The following CSMD1 variants were observed in gnomAD, a reference collection of about 807,000 sequenced individuals.
CSMD1 encodes the protein CUB and sushi domain-containing protein 1.
Under a neutral mutation model 417.5 loss-of-function variants are expected in CSMD1, and 213 were observed. The ratio of observed to expected loss-of-function variants is 0.51; its 90% CI spans 0.46 to 0.57. The LOEUF (loss-of-function observed/expected upper bound fraction) is 0.57. Ranked by LOEUF, CSMD1 falls within the 20% of genes least tolerant of loss-of-function variation. CSMD1 has a pLI of 0.00. For synonymous variants in CSMD1, 2,862 were observed against 1,736.8 expected (o/e 1.65, Z -16.11); for missense variants, 6,923 against 4,529.7 (o/e 1.53, Z -15.17).
rs1320171382 is a variant in CSMD1 at position 4,433,758 on chromosome 8, A to G, written c.303-13693T>C. On this transcript the variant is annotated intron_variant, in intron 2 of 69. Transcript: ENST00000635120. Reference sequence around the variant, plus strand: ...AACATTTATTTCCTACACCTTTATGAATTTATAGATGGAGTTTAAAATTTG... The same window carrying G: ...AACATTTATTTCCTACACCTTTATGGATTTATAGATGGAGTTTAAAATTTG... Among the ~76,000 whole-genome samples the G allele has an allele frequency of 2.0e-5, 3 of 152,134 alleles. No homozygotes were observed. In the South Asian group the frequency reaches 6.2e-4, roughly 32 times the overall value.
intron 2 of CSMD1, among the ~76,000 whole-genome samples, chr8:4,481,075 A>G (rs1801073245): frequency 6.6e-6 from 1 of 152,194 alleles, no homozygotes; most frequent in Non-Finnish European, 1.5e-5. Context: ...TCTAAATATC[A>G]CCTAAGTAGG....
chr8:4,774,186 C>T (rs994339778), intron 1 of CSMD1, among the ~76,000 whole-genome samples: 4 of 152,056 alleles, frequency 2.6e-5, no homozygotes, highest in African/African-American at 7.2e-5. Context: ...GGTGACAGAG[C>T]GAGGCTGTCT....
intron 11 of CSMD1, among the ~76,000 whole-genome samples, chr8:3,477,379 T>G (rs1034387550): frequency 4.6e-5 from 7 of 152,370 alleles, no homozygotes; most frequent in African/African-American, 1.7e-4. Context: ...TATGTTCCTT[T>G]AATGTCCACG....
At chr8:4,785,803 C>A (rs1211239909) in intron 1 of CSMD1, among the ~76,000 whole-genome samples, 1 of 152,058 alleles carries the variant, frequency 6.6e-6, no homozygotes, top group Non-Finnish European at 1.5e-5. Flanking sequence ...AAGTGTTGCC[C>A]AGACTCGTTA....
intron 31 of CSMD1, among the ~76,000 whole-genome samples, chr8:3,202,879 T>C (rs1315927704): frequency 6.6e-6 from 1 of 152,182 alleles, no homozygotes; most frequent in Non-Finnish European, 1.5e-5. Flanking sequence ...AAAGAAGGCA[T>C]GTAGGCTAGG....
At chr8:3,768,053 C>T (rs376595256) in intron 5 of CSMD1, among the ~76,000 whole-genome samples, 7 of 152,118 alleles carry the variant, frequency 4.6e-5, no homozygotes, top group South Asian at 2.1e-4. Context: ...TCTTTGACCC[C>T]GAGTATAGAC....
intron 3 of CSMD1, among the ~76,000 whole-genome samples, chr8:4,155,941 T>C (rs1796811383): frequency 6.6e-6 from 1 of 152,198 alleles, no homozygotes. Context: ...CCAGGTGTTC[T>C]GCAGCTGCAC....
chr8:4,146,319 C>T (rs1714814), intron 3 of CSMD1, among the ~76,000 whole-genome samples: 149,458 of 150,820 alleles, frequency 0.99, 74,160 homozygotes, highest in Middle Eastern at 1. Flanking sequence ...TGGTGTCTGA[C>T]ACATCCAAAG....
At chr8:4,901,466 T>A (rs1009897302) in intron 1 of CSMD1, among the ~76,000 whole-genome samples, 3 of 152,122 alleles carry the variant, frequency 2.0e-5, no homozygotes, top group Non-Finnish European at 2.9e-5. Context: ...GAGAATTATT[T>A]CAAAACAAAG....
intron 1 of CSMD1, among the ~76,000 whole-genome samples, chr8:4,917,323 C>T (rs182619121): frequency 6.6e-6 from 1 of 152,200 alleles, no homozygotes; most frequent in African/African-American, 2.4e-5. Flanking sequence ...ACCTTCAACA[C>T]TGGGCATTAC....
At chr8:3,155,835 A>G (rs941596793) in intron 39 of CSMD1, among the ~76,000 whole-genome samples, 10 of 152,188 alleles carry the variant, frequency 6.6e-5, no homozygotes, top group African/African-American at 2.4e-4. Context: ...ACATAAACAG[A>G]CGTTCTCTCC....
At chr8:4,094,519 C>G (rs977976389) in intron 3 of CSMD1, among the ~76,000 whole-genome samples, 1 of 152,154 alleles carries the variant, frequency 6.6e-6, no homozygotes, top group African/African-American at 2.4e-5. Flanking sequence ...AGGAATCTAA[C>G]TTTCAGATTA....
intron 36 of CSMD1, among the ~76,000 whole-genome samples, chr8:3,186,600 C>G (rs1368616216): frequency 2.6e-5 from 4 of 152,058 alleles, no homozygotes; most frequent in Non-Finnish European, 5.9e-5. Context: ...GGCCTGTGCG[C>G]TATCTATTTT....
At chr8:4,528,417 T>A (rs1796628863) in intron 2 of CSMD1, among the ~76,000 whole-genome samples, 1 of 152,162 alleles carries the variant, frequency 6.6e-6, no homozygotes, top group African/African-American at 2.4e-5. Flanking sequence ...GCAAAACACA[T>A]GTGGACTTTT....
At chr8:4,392,263 T>G (rs1020947824) in intron 3 of CSMD1, among the ~76,000 whole-genome samples, 1 of 152,156 alleles carries the variant, frequency 6.6e-6, no homozygotes, top group Non-Finnish European at 1.5e-5. Flanking sequence ...TGAAGAGTTA[T>G]TTGCATGTAG....
chr8:4,916,838 G>C (rs549246728), intron 1 of CSMD1, among the ~76,000 whole-genome samples: 24 of 152,318 alleles, frequency 1.6e-4, no homozygotes, highest in African/African-American at 5.8e-4. Context: ...GAATCCCTGA[G>C]AATATTTTAC....
intron 2 of CSMD1, among the ~76,000 whole-genome samples, chr8:4,424,531 AAAT>A (rs1797435210): frequency 6.6e-6 from 1 of 152,020 alleles, no homozygotes; most frequent in Non-Finnish European, 1.5e-5. Context: ...GCTGAAATAA[AAAT>A]AAATAATGAC....
At position 3,335,995 on chromosome 8, in the gene CSMD1, G is replaced by A. The variant is rs183452208; in HGVS notation, c.3631+7299C>T. Among the ~76,000 whole-genome samples, 260 of 152,238 alleles carry A rather than the reference G, an allele frequency of 1.7e-3. 2 individuals carry two copies. The highest frequency in any genetic ancestry group is 5.9e-3 in the African/African-American group (246 of 41,528). On this transcript the variant is annotated intron_variant, in intron 23 of 69. Coordinates refer to ENST00000635120, the MANE Select transcript of CSMD1 (RefSeq NM_033225.6). ...GGCTAATTTACATGCAGAGGACGAT[G>A]AGTAATCCTTAAGCCTAGAAAACAT...
chr8:3,202,306 A>G (rs12544537), intron 31 of CSMD1, among the ~76,000 whole-genome samples: 17,473 of 152,310 alleles, frequency 0.11, 1,290 homozygotes, highest in Non-Finnish European at 0.16. Flanking sequence ...AAAGATTATT[A>G]TAATGCCAAA....
Sources: allele counts gnomAD v4.1 joint callset (sites outside exome capture counted in the v4.1 genomes callset), GRCh38; gene constraint gnomAD v4.1.1; transcripts MANE v1.5; gene names NCBI Gene and HGNC (gene_info 2026-07-23, HGNC 2026-07-21).